Variants in RIMS1 observed in about 807,000 individuals in gnomAD.
RIMS1 encodes regulating synaptic membrane exocytosis protein 1.
A neutral mutation model predicts 214.1 loss-of-function variants in RIMS1; 83 were observed. The ratio of observed to expected loss-of-function variants is 0.39; its 90% CI spans 0.32 to 0.47. The LOEUF is 0.47. Ranked by LOEUF, RIMS1 falls within the 20% of genes least tolerant of loss-of-function variation. RIMS1 has a pLI of 0.99. For synonymous variants in RIMS1, 793 were observed against 786.8 expected (o/e 1.01, Z -0.13); for missense variants, 2,050 against 2,161.8 (o/e 0.95, Z 1.03).
At chr6:72,375,832 G>A (rs2098359809) in intron 29 of RIMS1, among the ~76,000 whole-genome samples, 1 of 152,130 alleles carries the variant, frequency 6.6e-6, no homozygotes, top group South Asian at 2.1e-4. Context: ...GCTTACTGGT[G>A]AAAATGTTTG....
chr6:72,044,571 T>C (rs1822415548), intron 2 of RIMS1, among the ~76,000 whole-genome samples: 1 of 151,744 alleles, frequency 6.6e-6, no homozygotes, highest in Non-Finnish European at 1.5e-5. Context: ...AACAAACCCT[T>C]CAAAGATGAT....
intron 2 of RIMS1, among the ~76,000 whole-genome samples, chr6:71,988,253 T>C (rs1424661319): frequency 6.6e-6 from 1 of 152,138 alleles, no homozygotes; most frequent in Non-Finnish European, 1.5e-5. Context: ...GCCCCAAAAT[T>C]ATACCACCAG....
chr6:71,980,860 G>A (rs1384050849), intron 2 of RIMS1, among the ~76,000 whole-genome samples: 1 of 152,072 alleles, frequency 6.6e-6, no homozygotes, highest in African/African-American at 2.4e-5. Flanking sequence ...ACAAGTAAGA[G>A]ATAAGACAAA....
chr6:72,393,398 A>G (rs574857124), intron 31 of RIMS1, among the ~76,000 whole-genome samples: 16 of 152,296 alleles, frequency 1.1e-4, no homozygotes, highest in African/African-American at 2.9e-4. Context: ...AAGCTTCCTA[A>G]GAGGAAAAAT....
chr6:72,131,119 C>T (rs2040363583), intron 4 of RIMS1, among the ~76,000 whole-genome samples: 1 of 152,166 alleles, frequency 6.6e-6, no homozygotes, highest in Non-Finnish European at 1.5e-5. Context: ...CCATCTCCTA[C>T]ATCTGTTGAT....
rs545716724 is a variant in RIMS1 at position 72,131,699 on chromosome 6, C to G, written c.471+31713C>G. On this transcript the variant is annotated intron_variant, in intron 4 of 33. Coordinates refer to ENST00000521978, the MANE Select transcript of RIMS1 (RefSeq NM_014989.7). ...ACCATTGTCATTGATAACATCTTAT[C>G]AGGAGACAGGGCTTTGAGAGCAACT... is the stretch of plus-strand genomic sequence containing the variant. 1.8e-3 allele frequency among the ~76,000 whole-genome samples: 275 copies of G among 152,276 alleles called. 1 individual carries two copies. The highest frequency in any genetic ancestry group is 6.5e-3 in the African/African-American group (270 of 41,554).
intron 24 of RIMS1, among the ~76,000 whole-genome samples, chr6:72,288,962 C>T (rs1174928420): frequency 6.6e-6 from 1 of 152,168 alleles, no homozygotes; most frequent in Non-Finnish European, 1.5e-5. Flanking sequence ...CCTTGTGGCT[C>T]AGGAGATGGA....
intron 4 of RIMS1, among the ~76,000 whole-genome samples, chr6:72,130,444 T>C (rs1368689655): frequency 2.6e-5 from 4 of 152,168 alleles, no homozygotes; most frequent in Admixed American, 1.3e-4. Flanking sequence ...AAATTGTGTA[T>C]ATTCTGCTTC....
intron 2 of RIMS1, among the ~76,000 whole-genome samples, chr6:71,976,684 AT>A (rs1214576918): frequency 6.6e-6 from 1 of 152,014 alleles, no homozygotes; most frequent in Non-Finnish European, 1.5e-5. Flanking sequence ...TGCCATTAAG[AT>A]TTCCCCCTGT....
chr6:72,217,152 C>T, intron 6 of RIMS1: 2 of 1,534,958 alleles, frequency 1.3e-6, no homozygotes, highest in East Asian at 2.4e-5. Flanking sequence ...TGATTTGATG[C>T]CAGTGGCATT....
chr6:71,940,763 G>A (rs1005766271), intron 1 of RIMS1, among the ~76,000 whole-genome samples: 1 of 152,112 alleles, frequency 6.6e-6, no homozygotes, highest in African/African-American at 2.4e-5. Flanking sequence ...GCACTTAATG[G>A]AAGTTAGGTT....
At chr6:72,363,638 A>G (rs2097898239) in intron 29 of RIMS1, among the ~76,000 whole-genome samples, 1 of 152,220 alleles carries the variant, frequency 6.6e-6, no homozygotes, top group Non-Finnish European at 1.5e-5. Context: ...AATATTATTT[A>G]TTAAGCACTA....
At chr6:72,163,766 G>A (rs1458240772) in intron 4 of RIMS1, among the ~76,000 whole-genome samples, 6 of 107,634 alleles carry the variant, frequency 5.6e-5, no homozygotes, top group Non-Finnish European at 6.7e-5. Context: ...AGGAGTACCC[G>A]GCCATGTGAG....
rs371803349 is a variant in RIMS1 at position 72,124,228 on chromosome 6, A to C, written c.471+24242A>C. ...AAAGGATTTTATTTCTCCTTCATTT[A>C]TGAAGCTTAGTTTGGCTGGATATGA... On this transcript the variant is annotated intron_variant, in intron 4 of 33. Coordinates refer to ENST00000521978, the MANE Select transcript of RIMS1 (RefSeq NM_014989.7). Among the ~76,000 whole-genome samples the C allele has an allele frequency of 2.0e-5, 3 of 151,990 alleles. No individual in the cohort carries two copies. The South Asian group carries it at 6.2e-4, about 32-fold the overall frequency.
intron 2 of RIMS1, among the ~76,000 whole-genome samples, chr6:72,048,603 T>TA (rs1823730612): frequency 6.6e-6 from 1 of 152,138 alleles, no homozygotes; most frequent in Non-Finnish European, 1.5e-5. Context: ...GATACTACCA[T>TA]AATGAAGGAT....
intron 2 of RIMS1, among the ~76,000 whole-genome samples, chr6:72,014,755 A>C (rs117501429): frequency 0.022 from 3,413 of 152,272 alleles, 52 homozygotes; most frequent in Non-Finnish European, 0.033. Context: ...TTGCCTTGTC[A>C]TTATCAGTGA....
Position 72,314,548 on chromosome 6 carries a change from C to A in RIMS1, c.4130+876C>A, listed in dbSNP as rs191334221. ...TCATCCTGCTGTTATTTAACAATTT[C>A]ATACTCTGATAATCTAACATGAGCA... On this transcript the variant is annotated intron_variant, in intron 28 of 33. Transcript: ENST00000521978. Among the ~76,000 whole-genome samples, 594 of 152,234 alleles carry A rather than the reference C, an allele frequency of 3.9e-3. 3 individuals carry two copies. Among genetic ancestry groups the A allele is most frequent in the Middle Eastern group, 0.014 (4 of 294 alleles).
chr6:72,131,871 G>T (rs978849531), intron 4 of RIMS1, among the ~76,000 whole-genome samples: 2 of 152,114 alleles, frequency 1.3e-5, no homozygotes, highest in African/African-American at 4.8e-5. Context: ...CCACCCCCAG[G>T]CGCATATTCT....
At chr6:72,168,630 C>T (rs550287937) in intron 4 of RIMS1, among the ~76,000 whole-genome samples, 1 of 151,662 alleles carries the variant, frequency 6.6e-6, no homozygotes, top group South Asian at 2.1e-4. Flanking sequence ...ACCAGTCAAA[C>T]TCTGTCATTT....
Sources: gnomAD v4.1 joint callset for allele counts (sites outside exome capture counted in the v4.1 genomes callset) on GRCh38, gnomAD v4.1.1 for gene constraint, MANE v1.5 for transcripts, NCBI Gene and HGNC (gene_info 2026-07-23, HGNC 2026-07-21) for gene names.